The following C18orf54 variants were observed in gnomAD, a reference collection of about 807,000 sequenced individuals.
C18orf54 encodes chromosome 18 open reading frame 54.
C18orf54 carries 49 observed loss-of-function variants against 49.3 expected under a neutral mutation model. The observed-to-expected ratio is 0.99, with a 90% CI of 0.79 to 1.26. The LOEUF (loss-of-function observed/expected upper bound fraction) is 1.26. C18orf54 is among the 50% of genes most tolerant of loss of function. The pLI, the probability that C18orf54 is intolerant of heterozygous loss-of-function variation, is 0.00. For missense variants in C18orf54, 687 were observed against 620.6 expected (o/e 1.11, Z -1.14); for synonymous variants, 211 against 216.6 (o/e 0.97, Z 0.23).
At chr18:54,372,441 A>G (rs767669784) in intron 6 of C18orf54, 25 bp from the exon 7 acceptor site, 3 of 1,499,902 alleles carry the variant, frequency 2.0e-6, no homozygotes, top group South Asian at 1.4e-5. Context: ...GGTTAACTTT[A>G]TACTATCATC....
At chr18:54,364,934 GTAAGAA>G (rs2089351586) in intron 5 of C18orf54, among the ~76,000 whole-genome samples, 1 of 152,016 alleles carries the variant, frequency 6.6e-6, no homozygotes, top group Non-Finnish European at 1.5e-5. Context: ...TCATAGTGTT[GTAAGAA>G]TAAGAGAGAA....
chr18:54,359,952 A>G (rs1400816681), intron 2 of C18orf54, among the ~76,000 whole-genome samples: 2 of 152,244 alleles, frequency 1.3e-5, no homozygotes, highest in African/African-American at 4.8e-5. Flanking sequence ...GGAAAAGTGT[A>G]TATTGCTAAC....
At position 54,380,210 on chromosome 18, in the gene C18orf54, A is replaced by G. The variant is rs1713148491; in HGVS notation, c.*1964A>G. 1 of 152,072 alleles carries G rather than the reference A, an allele frequency of 6.6e-6. No individual in the cohort carries two copies. The highest frequency in any genetic ancestry group is 2.4e-5 in the African/African-American group (1 of 41,454). The allele number at this position is 152,072 out of a possible 1,614,324, so 9.4% of individuals were successfully genotyped here. A position where few individuals can be genotyped will look rare whatever the true frequency, so the allele number is the denominator to read the frequency against. ...TAAGAGATTTATTTATAATTTTAAT[A>G]TCTCAGGGTTCTTTTTAGGTTTCCA... On this transcript the variant is annotated 3_prime_UTR_variant, in exon 9 of 9. Coordinates refer to ENST00000620105, the MANE Select transcript of C18orf54 (RefSeq NM_001288980.2).
chr18:54,372,913 A>G (rs2089514303), intron 7 of C18orf54, among the ~76,000 whole-genome samples: 1 of 152,042 alleles, frequency 6.6e-6, no homozygotes, highest in African/African-American at 2.4e-5. Flanking sequence ...AAATTAATCT[A>G]TGTGGCCCAT....
intron 7 of C18orf54, among the ~76,000 whole-genome samples, chr18:54,373,715 G>C (rs2089526583): frequency 1.3e-5 from 2 of 151,768 alleles, no homozygotes; most frequent in Non-Finnish European, 3.0e-5. Context: ...CTTGGTACAT[G>C]GTAAGTGCTC....
At chr18:54,363,012 A>G in intron 5 of C18orf54, 91 bp downstream of exon 5, 2 of 1,242,244 alleles carry the variant, frequency 1.6e-6, no homozygotes, top group South Asian at 1.5e-5. Context: ...ACGGTAATTA[A>G]TAATATTGTA....
At position 54,377,026 on chromosome 18, in the gene C18orf54, A is replaced by T. The variant is rs532661207; in HGVS notation, c.1530-1148A>T. On this transcript the variant is annotated intron_variant, in intron 8 of 8. Coordinates refer to ENST00000620105, the MANE Select transcript of C18orf54 (RefSeq NM_001288980.2). ...ATTACACAGCTTATGTTTTTTTTTT[A>T]AATTTAATTTTGTTTTTTTGAGATA... 2.0e-3 allele frequency among the ~76,000 whole-genome samples: 278 copies of T among 135,984 alleles called. 2 individuals are homozygous for T. Among genetic ancestry groups the T allele is most frequent in the African/African-American group, 6.1e-3 (219 of 35,752 alleles). 89.2% of individuals were successfully genotyped at this position (135,984 alleles called of 152,430 possible).
intron 5 of C18orf54, 114 bp from the exon 6 acceptor site, chr18:54,365,605 G>T (rs1359594746): frequency 1.8e-5 from 10 of 556,426 alleles, no homozygotes; most frequent in Non-Finnish European, 2.9e-5. Flanking sequence ...TATCCATGAT[G>T]ATTATTTCTT....
rs1326216828 is a variant in C18orf54, at chr18:54,368,466, A to C, written c.1326+2645A>C. The stretch of plus-strand genomic sequence containing the variant: ...TCTCATGATTAGAATGAGGTTATGC[A>C]TTTTTGGCAAAAATACTGAAGAAGT... On this transcript the variant is annotated intron_variant, in intron 6 of 8. Transcript: ENST00000620105. Among the ~76,000 whole-genome samples the C allele has an allele frequency of 2.6e-5, 4 of 152,058 alleles. 1 individual carries two copies. The highest frequency in any genetic ancestry group is 2.6e-4 in the Admixed American group (4 of 15,258).
chr18:54,362,504 A>T, intron 4 of C18orf54, 73 bp downstream of exon 4: 2 of 1,263,794 alleles, frequency 1.6e-6, no homozygotes, highest in South Asian at 1.7e-5. Context: ...TGTAAAGTTG[A>T]TGTGATATCT....
intron 8 of C18orf54, among the ~76,000 whole-genome samples, chr18:54,374,996 T>C (rs1478896710): frequency 6.6e-6 from 1 of 151,978 alleles, no homozygotes; most frequent in Non-Finnish European, 1.5e-5. Flanking sequence ...ACATGTAAAC[T>C]TACGAATCTA....
rs1200606983 is a variant in C18orf54 at position 54,381,131 on chromosome 18, A to G, written c.*2885A>G. Reference sequence around the variant, plus strand: ...GGAGTAAATTGAGGCCTAATCCTGAACACATATAGAGCATATTGTTAGATA... The same window carrying G: ...GGAGTAAATTGAGGCCTAATCCTGAGCACATATAGAGCATATTGTTAGATA... On this transcript the variant is annotated 3_prime_UTR_variant, in exon 9 of 9. Transcript: ENST00000620105. 1 of 152,152 alleles carries G rather than the reference A, an allele frequency of 6.6e-6. No individual in the cohort carries two copies. The highest frequency in any genetic ancestry group is 2.4e-5 in the African/African-American group (1 of 41,446). 9.4% of individuals were successfully genotyped at this position (152,152 alleles called of 1,614,324 possible). A position where few individuals can be genotyped will look rare whatever the true frequency, so the allele number is the denominator to read the frequency against.
rs1037419516 is a variant in C18orf54 at position 54,378,245 on chromosome 18, G to A, written c.1601G>A (p.Ter534=). Residue 534 remains the stop codon, a stop_retained_variant, in exon 9 of 9, where the codon TGA becomes TAA. Transcript: ENST00000620105. The part of the protein sequence containing the change: ...DTNGERSPKM[*] Reference sequence around the variant, plus strand: ...AATGGAGAACGGTCACCGAAAATGTGAAGAGGAAAATGAAACTGTCACCAC... The same window carrying A: ...AATGGAGAACGGTCACCGAAAATGTAAAGAGGAAAATGAAACTGTCACCAC... The A allele has an allele frequency of 1.2e-6, 2 of 1,612,512 alleles. No individual in the cohort carries two copies. Among genetic ancestry groups the A allele is most frequent in the Admixed American group, 3.3e-5 (2 of 59,978 alleles).
At chr18:54,374,390 G>A (rs995206306) in intron 8 of C18orf54, 106 bp downstream of exon 8, 1 of 1,174,822 alleles carries the variant, frequency 8.5e-7, no homozygotes, top group African/African-American at 1.6e-5. Context: ...GCACTACTAG[G>A]CATATTTAAG....
At chr18:54,367,392 A>T (rs879406329) in intron 6 of C18orf54, among the ~76,000 whole-genome samples, 4 of 151,998 alleles carry the variant, frequency 2.6e-5, no homozygotes, top group Non-Finnish European at 5.9e-5. Context: ...GATTCCCCTG[A>T]GCATTTCTTG....
In C18orf54 at chr18:54,378,464, C is replaced by T. The variant is rs756838447; in HGVS notation, c.*218C>T. 20 of 397,340 alleles carry T rather than the reference C, an allele frequency of 5.0e-5. No homozygotes were observed. Among genetic ancestry groups the T allele is most frequent in the Non-Finnish European group, 8.6e-5 (19 of 222,076 alleles). 24.6% of individuals were successfully genotyped at this position (397,340 alleles called of 1,614,324 possible). On this transcript the variant is annotated 3_prime_UTR_variant, in exon 9 of 9. Transcript: ENST00000620105. ...ATACTAGAATGTGAACTGCAAGGAC[C>T]CACAATATATCCTGAAGTCTTACTT...
At chr18:54,366,094 CCAT>C (rs1169649743) in intron 6 of C18orf54, among the ~76,000 whole-genome samples, 1 of 151,718 alleles carries the variant, frequency 6.6e-6, no homozygotes, top group Non-Finnish European at 1.5e-5. Context: ...GATTTGCATA[CCAT>C]CATCTCAAAT....
rs550519696 is a variant in C18orf54 at position 54,378,518 on chromosome 18, T to C, written c.*272T>C. ...CCTTCTGGCCAGCAAATGTCTAATATTTAAAGATGGATGACTTCTGTTCTT... is the reference window on the plus strand; with the variant it reads ...CCTTCTGGCCAGCAAATGTCTAATACTTAAAGATGGATGACTTCTGTTCTT... On this transcript the variant is annotated 3_prime_UTR_variant, in exon 9 of 9. Transcript: ENST00000620105. The C allele has an allele frequency of 1.3e-5, 3 of 228,422 alleles. No homozygotes were observed. The East Asian group carries it at 2.6e-4, about 20-fold the overall frequency. 14.1% of individuals were successfully genotyped at this position (228,422 alleles called of 1,614,324 possible).
At chr18:54,369,260 C>T (rs2089441836) in intron 6 of C18orf54, among the ~76,000 whole-genome samples, 1 of 151,832 alleles carries the variant, frequency 6.6e-6, no homozygotes, top group South Asian at 2.1e-4. Flanking sequence ...GTATTGATAC[C>T]TCTGATTCCA....
Sources: gnomAD v4.1 joint callset for allele counts (sites outside exome capture counted in the v4.1 genomes callset) on GRCh38, gnomAD v4.1.1 for gene constraint, MANE v1.5 for transcripts, NCBI Gene and HGNC (gene_info 2026-07-23, HGNC 2026-07-21) for gene names.